Variants in EPB41L4B observed in about 807,000 individuals in gnomAD.
EPB41L4B encodes the protein band 4.1-like protein 4B.
A neutral mutation model predicts 112.5 loss-of-function variants in EPB41L4B; 30 were observed. That is an observed-to-expected ratio of 0.27 (90% CI 0.20 to 0.36). EPB41L4B has a LOEUF of 0.36. Among genes scored for constraint, EPB41L4B ranks in the 10% least tolerant of loss-of-function variants. The pLI, the probability that EPB41L4B is intolerant of heterozygous loss-of-function variation, is 1.00. For synonymous variants in EPB41L4B, 408 were observed against 439.7 expected (o/e 0.93, Z 0.90); for missense variants, 1,024 against 1,133.3 (o/e 0.90, Z 1.38).
At chr9:109,190,190 G>A (rs558331417) in intron 22 of EPB41L4B, among the ~76,000 whole-genome samples, 1 of 152,312 alleles carries the variant, frequency 6.6e-6, no homozygotes, top group African/African-American at 2.4e-5. Context: ...ACTGGGCCTA[G>A]GGACCAGGAT....
At chr9:109,213,914 C>G (rs1162110155) in intron 16 of EPB41L4B, 96 bp from the exon 17 acceptor site, 4 of 1,088,578 alleles carry the variant, frequency 3.7e-6, no homozygotes, top group Non-Finnish European at 5.6e-6. Flanking sequence ...TTCCCAGCAC[C>G]CTTTCTGCCG....
intron 6 of EPB41L4B, 139 bp downstream of exon 6, chr9:109,262,911 C>A: frequency 1.6e-6 from 1 of 608,456 alleles, no homozygotes; most frequent in Non-Finnish European, 2.9e-6. Flanking sequence ...GGACTGCACG[C>A]CACTTGGGGA....
chr9:109,245,294 T>C (rs1332493930), intron 14 of EPB41L4B, among the ~76,000 whole-genome samples: 3 of 152,226 alleles, frequency 2.0e-5, no homozygotes, highest in Admixed American at 2.0e-4. Flanking sequence ...CTGGACCCTC[T>C]ATGTTTTCCT....
rs377183563 is a variant in EPB41L4B, at chr9:109,216,893, C to T, written c.1633+29G>A. ...GCCCTGCAGCATTGCTCCCCCTTCT[C>T]CTGCCTTGCCCCCTCCACCCCTACT... On this transcript the variant is annotated intron_variant, in intron 16 of 25. Coordinates refer to ENST00000374566, the MANE Select transcript of EPB41L4B (RefSeq NM_019114.5). The T allele has an allele frequency of 2.5e-6, 4 of 1,607,870 alleles. No homozygotes were observed. In the African/African-American group the frequency reaches 5.3e-5, roughly 21 times the overall value.
In EPB41L4B at chr9:109,200,327, T is replaced by C. The variant is rs1037401080; in HGVS notation, c.1954A>G (p.Ile652Val). The change falls in exon 20 of 26, where the codon ATT becomes GTT. Residue 652 changes from isoleucine (I) to valine (V), a missense_variant. Transcript: ENST00000374566. ...TGGGCAGTTTCCACACGAATAGGAA[T>C]AGGACTTCTAGAGACACACCGAAAA... ...SLQDASVRSP[I>V]PIRVETAQPA... The C allele has an allele frequency of 5.6e-6, 9 of 1,613,850 alleles. No individual in the cohort carries two copies. Among genetic ancestry groups the C allele is most frequent in the Admixed American group, 1.7e-5 (1 of 60,006 alleles).
At chr9:109,221,964 G>T (rs971374745) in intron 15 of EPB41L4B, among the ~76,000 whole-genome samples, 10 of 152,182 alleles carry the variant, frequency 6.6e-5, no homozygotes, top group African/African-American at 2.4e-4. Context: ...AACTCAGGGG[G>T]AAAGAGTGCT....
At chr9:109,230,210 G>A in intron 15 of EPB41L4B, among the ~76,000 whole-genome samples, 1 of 152,146 alleles carries the variant, frequency 6.6e-6, no homozygotes, top group East Asian at 1.9e-4. Flanking sequence ...AAGGAAAGAG[G>A]AGCAGAAAGA....
chr9:109,210,696 G>A (rs10979752), intron 17 of EPB41L4B, among the ~76,000 whole-genome samples: 9,373 of 152,146 alleles, frequency 0.062, 411 homozygotes, highest in Admixed American at 0.13. Flanking sequence ...AAATTTGTGC[G>A]TCGTCATATG....
In EPB41L4B at chr9:109,320,780, G is replaced by GGGCTGCC. The variant is rs1031089487; in HGVS notation, c.-341_-335dup. The GGGCTGCC allele has an allele frequency of 6.9e-6, 1 of 144,040 alleles. No homozygotes were observed. Among genetic ancestry groups the GGGCTGCC allele is most frequent in the African/African-American group, 2.5e-5 (1 of 39,572 alleles). 8.9% of individuals were successfully genotyped at this position (144,040 alleles called of 1,614,324 possible). A position where few individuals can be genotyped will look rare whatever the true frequency, so the allele number is the denominator to read the frequency against. On this transcript the variant is annotated 5_prime_UTR_variant, in exon 1 of 26. Transcript: ENST00000374566. ...GGGGCTGCTCCGGACGGGCGGCTGC[G>GGGCTGCC]GGCTGCCAGGGGGCTGCCGGGGGCG...
intron 22 of EPB41L4B, among the ~76,000 whole-genome samples, chr9:109,186,175 G>A (rs1322797611): frequency 6.6e-6 from 1 of 152,028 alleles, no homozygotes; most frequent in Non-Finnish European, 1.5e-5. Context: ...TATATCATGG[G>A]GAGAAACATA....
intron 22 of EPB41L4B, among the ~76,000 whole-genome samples, chr9:109,187,558 C>T (rs1832313415): frequency 6.6e-6 from 1 of 152,128 alleles, no homozygotes; most frequent in Non-Finnish European, 1.5e-5. Context: ...CAGGGTATAT[C>T]CTGCAGAAAT....
At chr9:109,245,459 G>C (rs920558925) in intron 14 of EPB41L4B, among the ~76,000 whole-genome samples, 3 of 152,166 alleles carry the variant, frequency 2.0e-5, no homozygotes, top group African/African-American at 7.2e-5. Flanking sequence ...TAACCCAGCT[G>C]GTTCTCAACT....
chr9:109,201,633 C>T (rs1564261537), intron 19 of EPB41L4B, among the ~76,000 whole-genome samples: 4 of 152,048 alleles, frequency 2.6e-5, no homozygotes, highest in Admixed American at 1.3e-4. Flanking sequence ...TTGGGTGGAA[C>T]GGTCAGCATC....
chr9:109,207,780 A>AGGTATGGTTCACATGCCC, intron 18 of EPB41L4B, 144 bp downstream of exon 18: 1 of 930,494 alleles, frequency 1.1e-6, no homozygotes, highest in Admixed American at 2.4e-5. Context: ...TTCACATATC[A>AGGTATGGTTCACATGCCC]GGTATGGTTC....
chr9:109,309,753 CACAGAGAG>C lies in EPB41L4B; in HGVS notation c.306+10380_306+10387del, dbSNP rs59315056. On this transcript the variant is annotated intron_variant, in intron 1 of 25. Transcript: ENST00000374566. ...CATCTCTATTATTAAGAAATACACA[CACAGAGAG>C]AGAGAGAGAGAGAGAGAGAGAGAGA... Among the ~76,000 whole-genome samples the C allele has an allele frequency of 6.4e-3, 875 of 137,486 alleles. 17 individuals are homozygous for C. The East Asian group carries it at 0.089, about 14-fold the overall frequency. 90.2% of individuals were successfully genotyped at this position (137,486 alleles called of 152,430 possible).
intron 1 of EPB41L4B, among the ~76,000 whole-genome samples, chr9:109,309,334 A>C (rs1190420828): frequency 6.6e-6 from 1 of 152,208 alleles, no homozygotes; most frequent in Non-Finnish European, 1.5e-5. Flanking sequence ...GCAGCAACCA[A>C]CTTCAGCTCA....
chr9:109,249,191 T>C (rs1030152737), intron 13 of EPB41L4B, among the ~76,000 whole-genome samples: 1 of 151,874 alleles, frequency 6.6e-6, no homozygotes, highest in Non-Finnish European at 1.5e-5. Context: ...AAACAGATCA[T>C]TGTTATAAGT....
intron 6 of EPB41L4B, among the ~76,000 whole-genome samples, chr9:109,261,836 T>C (rs1835215966): frequency 6.6e-6 from 1 of 152,176 alleles, no homozygotes; most frequent in African/African-American, 2.4e-5. Flanking sequence ...AGTTCCACTT[T>C]TAAAAACTGG....
At chr9:109,220,066 G>T (rs368111114) in intron 15 of EPB41L4B, among the ~76,000 whole-genome samples, 15 of 152,302 alleles carry the variant, frequency 9.8e-5, no homozygotes, top group African/African-American at 2.9e-4. Flanking sequence ...CATTACCACT[G>T]AACTTTTCCA....
Sources: gnomAD v4.1 joint callset for allele counts (sites outside exome capture counted in the v4.1 genomes callset) on GRCh38, gnomAD v4.1.1 for gene constraint, MANE v1.5 for transcripts, NCBI Gene and HGNC (gene_info 2026-07-23, HGNC 2026-07-21) for gene names.